PHC3: variants seen among roughly 807,000 people sequenced by gnomAD.
PHC3 encodes the protein polyhomeotic-like protein 3.
In PHC3, 13 loss-of-function variants were observed where a neutral mutation model predicts 107.4. The ratio of observed to expected loss-of-function variants is 0.12; its 90% CI spans 0.08 to 0.19. The LOEUF (loss-of-function observed/expected upper bound fraction) is 0.19. Among genes scored for constraint, PHC3 ranks in the 10% least tolerant of loss-of-function variants. The pLI is 1.00. For missense variants in PHC3, 992 were observed against 1,210.9 expected (o/e 0.82, Z 2.68); for synonymous variants, 456 against 427.4 (o/e 1.07, Z -0.83).
Position 170,128,962 on chromosome 3 carries a change from G to C in PHC3, c.1510C>G (p.Leu504Val). Residue 504 changes from leucine to valine, a missense_variant, in exon 8 of 15, where the codon CTG (leucine) becomes GTG (valine). By Grantham distance (32) the Leu-to-Val change is conservative (BLOSUM62 1). Around this residue, in one of 6 missense-constraint regions of PHC3, gnomAD observed 543 missense variants for 590.8 expected, o/e 0.92. Coordinates refer to ENST00000495893, the MANE Select transcript of PHC3 (RefSeq NM_024947.4). ...GCAATTGGGATTGGAGAGGACTGCA[G>C]GGATGAATATTGCTGGTGTGATGGA... is the stretch of plus-strand genomic sequence containing the variant. Reference protein sequence around the residue: ...VSPSHQQYSSLQSSPIPIASP... With the variant: ...VSPSHQQYSSVQSSPIPIASP... 6.2e-7 allele frequency: 1 copy of C among 1,614,034 alleles called. No individual in the cohort carries two copies. The highest frequency in any genetic ancestry group is 8.5e-7 in the Non-Finnish European group (1 of 1,179,892).
At chr3:170,169,973 A>G (rs1729340456) in intron 4 of PHC3, 1 of 152,112 alleles carries the variant, frequency 6.6e-6, no homozygotes, top group South Asian at 2.1e-4. Context: ...TTTTTCATTT[A>G]ATCTAACATC....
At chr3:170,108,203 G>T (rs1210529962) in intron 11 of PHC3, among the ~76,000 whole-genome samples, 1 of 151,988 alleles carries the variant, frequency 6.6e-6, no homozygotes, top group Non-Finnish European at 1.5e-5. Flanking sequence ...ACTAACTAAA[G>T]CTTTTAGCTG....
intron 4 of PHC3, among the ~76,000 whole-genome samples, chr3:170,163,735 C>T (rs988278530): frequency 4.4e-4 from 66 of 151,526 alleles, no homozygotes; most frequent in Non-Finnish European, 5.5e-4. Context: ...TGGTGGTGGG[C>T]GCCTGTAATC....
intron 10 of PHC3, among the ~76,000 whole-genome samples, chr3:170,115,412 G>T (rs1718720276): frequency 6.6e-6 from 1 of 151,828 alleles, no homozygotes; most frequent in Non-Finnish European, 1.5e-5. Context: ...TAAAACCACA[G>T]TATGTATATG....
chr3:170,155,391 C>G (rs545476534), intron 4 of PHC3, among the ~76,000 whole-genome samples: 21 of 152,288 alleles, frequency 1.4e-4, no homozygotes, highest in Non-Finnish European at 2.6e-4. Flanking sequence ...ATACAAATGT[C>G]TGTGTGTGTA....
chr3:170,128,612 A>T, intron 8 of PHC3, 72 bp downstream of exon 8: 1 of 1,501,398 alleles, frequency 6.7e-7, no homozygotes, highest in South Asian at 1.3e-5. Flanking sequence ...TCTTGCAATA[A>T]AACATAGTGT....
Position 170,153,804 on chromosome 3 carries a change from CT to C in PHC3, c.415-4561del, listed in dbSNP as rs533410148. Among the ~76,000 whole-genome samples, 33 of 151,838 alleles carry C rather than the reference CT, an allele frequency of 2.2e-4. No homozygotes were observed. The South Asian group carries it at 5.8e-3, about 27-fold the overall frequency. On this transcript the variant is annotated intron_variant, in intron 4 of 14. Transcript: ENST00000495893. ...GAATCTTCTGGATAAAGTTAAACCT[CT>C]TCCCTGACAACCTCTCTAGCATCAT...
In PHC3 at chr3:170,171,423, T is replaced by A. The variant is rs35688815; in HGVS notation, c.364A>T (p.Thr122Ser). The part of the protein sequence containing the change: ...QASLSSGRPS[T>S]SPTGSVTQQS... ...TGTGTGACACTTCCTGTGGGAGATG[T>A]AGATGGTCTTCCACTGGACAAACTT... The change falls in exon 4 of 15, where the codon ACA becomes TCA. Residue 122 changes from threonine to serine, a missense_variant. Around this residue, in one of 6 missense-constraint regions of PHC3, gnomAD observed 161 missense variants for 183.7 expected, o/e 0.88. Transcript: ENST00000495893. 4 of 1,606,742 alleles carry A rather than the reference T, an allele frequency of 2.5e-6. No individual in the cohort carries two copies. The highest frequency in any genetic ancestry group is 3.4e-5 in the Admixed American group (2 of 58,636).
chr3:170,129,471 T>C lies in PHC3; in HGVS notation c.1001A>G (p.His334Arg). The C allele has an allele frequency of 6.2e-7, 1 of 1,613,904 alleles. No individual in the cohort carries two copies. Among genetic ancestry groups the C allele is most frequent in the East Asian group, 2.2e-5 (1 of 44,880 alleles). Residue 334 changes from histidine (H) to arginine (R), a missense_variant, in exon 8 of 15, where the codon CAT (histidine) becomes CGT (arginine). By Grantham distance (29) the His-to-Arg change is conservative. Around this residue, in one of 6 missense-constraint regions of PHC3, gnomAD observed 543 missense variants for 590.8 expected, o/e 0.92. Transcript: ENST00000495893. ...PLHSPPSKVSHHQLILQQQQQ... is the reference protein window; with the variant it reads ...PLHSPPSKVSRHQLILQQQQQ... ...CTGCTGTTGTAATATCAGCTGATGA[T>C]GGGAAACTTTGGAAGGTGGTGAATG... is the stretch of plus-strand genomic sequence containing the variant.
chr3:170,152,180 T>G (rs955446971), intron 4 of PHC3, among the ~76,000 whole-genome samples: 1 of 151,862 alleles, frequency 6.6e-6, no homozygotes, highest in Non-Finnish European at 1.5e-5. Context: ...TGTTTTGTTT[T>G]GTTTTTTTGA....
intron 4 of PHC3, chr3:170,170,421 T>C (rs1729411133): frequency 6.7e-6 from 1 of 150,222 alleles, no homozygotes; most frequent in Non-Finnish European, 1.5e-5. Context: ...AATTACACGA[T>C]AGCCCCTGAC....
At chr3:170,179,965 G>C (rs1030740278) in intron 1 of PHC3, among the ~76,000 whole-genome samples, 4 of 151,998 alleles carry the variant, frequency 2.6e-5, no homozygotes, top group Non-Finnish European at 5.9e-5. Flanking sequence ...CACATTAGCA[G>C]CACTGATAAA....
chr3:170,137,298 G>A (rs191543153), intron 6 of PHC3, among the ~76,000 whole-genome samples: 1 of 152,184 alleles, frequency 6.6e-6, no homozygotes, highest in Non-Finnish European at 1.5e-5. Context: ...CCCTGAAATG[G>A]CTTTCTATGG....
chr3:170,137,370 T>G (rs1723272426), intron 6 of PHC3, among the ~76,000 whole-genome samples: 1 of 152,094 alleles, frequency 6.6e-6, no homozygotes, highest in African/African-American at 2.4e-5. Flanking sequence ...TAGCAAGGAT[T>G]ATCCCAATTA....
chr3:170,112,677 C>T (rs1718068983), intron 11 of PHC3, among the ~76,000 whole-genome samples: 1 of 151,584 alleles, frequency 6.6e-6, no homozygotes, highest in African/African-American at 2.4e-5. Flanking sequence ...GTGCATGCCA[C>T]CACACCTGGC....
At chr3:170,137,163 T>C (rs1723223883) in intron 6 of PHC3, among the ~76,000 whole-genome samples, 2 of 152,348 alleles carry the variant, frequency 1.3e-5, no homozygotes, top group South Asian at 4.1e-4. Flanking sequence ...ATCTGCCCCA[T>C]TGTGAAAATT....
intron 6 of PHC3, among the ~76,000 whole-genome samples, chr3:170,142,849 G>A (rs992154148): frequency 2.6e-5 from 4 of 151,984 alleles, no homozygotes; most frequent in Non-Finnish European, 5.9e-5. Context: ...AGCTCTATTA[G>A]GTTTCATAAA....
At chr3:170,105,982 C>T (rs1333007354) in intron 12 of PHC3, among the ~76,000 whole-genome samples, 3 of 152,126 alleles carry the variant, frequency 2.0e-5, no homozygotes, top group East Asian at 1.9e-4. Flanking sequence ...GAGGCCAAGG[C>T]GGGCAGATCA....
chr3:170,106,947 C>CT lies in PHC3; in HGVS notation c.2354-2dup, dbSNP rs1716646248. The CT allele has an allele frequency of 6.3e-7, 1 of 1,578,734 alleles. No individual in the cohort carries two copies. The highest frequency in any genetic ancestry group is 8.6e-7 in the Non-Finnish European group (1 of 1,165,508). Reference sequence around the variant, plus strand: ...TCACTGTCCATTTCTTCTAATGTCTCTAAAAAAGAAGGAAACAAAGGAAAA... The same window carrying CT: ...TCACTGTCCATTTCTTCTAATGTCTCTTAAAAAAGAAGGAAACAAAGGAAAA... On this transcript the variant is annotated splice_acceptor_variant, in intron 11 of 14. Transcript: ENST00000495893. LOFTEE classifies it high-confidence loss of function.
Sources: allele counts gnomAD v4.1 joint callset (sites outside exome capture counted in the v4.1 genomes callset), GRCh38; gene constraint gnomAD v4.1.1; regional missense constraint gnomAD v4.1.1; transcripts MANE v1.5; gene names NCBI Gene and HGNC (gene_info 2026-07-23, HGNC 2026-07-21).